CNTN5: variants seen among roughly 807,000 people sequenced by gnomAD.
CNTN5 encodes contactin 5.
CNTN5 carries 77 observed loss-of-function variants against 129.1 expected under a neutral mutation model. The ratio of observed to expected loss-of-function variants is 0.60; its 90% CI spans 0.50 to 0.72. CNTN5 has a LOEUF of 0.72. CNTN5 is among the 30% of genes least tolerant of loss of function. The probability of loss-of-function intolerance (pLI) is 0.00; values close to 1 mark genes in which losing one functional copy is unlikely to be tolerated. For synonymous variants in CNTN5, 509 were observed against 465.6 expected (o/e 1.09, Z -1.20); for missense variants, 1,478 against 1,328.8 (o/e 1.11, Z -1.75).
intron 1 of CNTN5, among the ~76,000 whole-genome samples, chr11:99,228,598 A>C (rs78151918): frequency 0.017 from 2,651 of 152,186 alleles, 43 homozygotes; most frequent in African/African-American, 0.038. Context: ...ATGTACCCCT[A>C]AATGTATAAA....
intron 13 of CNTN5, among the ~76,000 whole-genome samples, chr11:100,169,684 T>C (rs1947766214): frequency 6.6e-6 from 1 of 152,044 alleles, no homozygotes; most frequent in Admixed American, 6.6e-5. Flanking sequence ...TTTTTGTGAC[T>C]TGCTTTATTA....
chr11:99,829,722 T>G (rs549720756), intron 4 of CNTN5, among the ~76,000 whole-genome samples: 111 of 152,326 alleles, frequency 7.3e-4, no homozygotes, highest in Middle Eastern at 6.8e-3. Flanking sequence ...TGTTAATAAT[T>G]ACTCTAAAGT....
chr11:99,747,488 C>G (rs191655135), intron 3 of CNTN5, among the ~76,000 whole-genome samples: 5 of 96,510 alleles, frequency 5.2e-5, no homozygotes, highest in Non-Finnish European at 9.3e-5. Flanking sequence ...TTTTTTGAGA[C>G]AGAGTCTTGC....
At chr11:99,312,432 A>T (rs1470817231) in intron 1 of CNTN5, among the ~76,000 whole-genome samples, 1 of 152,168 alleles carries the variant, frequency 6.6e-6, no homozygotes, top group Non-Finnish European at 1.5e-5. Context: ...ATTGTTGTAA[A>T]TATTCAATAA....
At chr11:100,259,510 TCA>T (rs1950152942) in intron 17 of CNTN5, among the ~76,000 whole-genome samples, 1 of 152,012 alleles carries the variant, frequency 6.6e-6, no homozygotes, top group East Asian at 1.9e-4. Context: ...CAGCATCACA[TCA>T]CACTTATTCT....
chr11:99,891,329 C>A (rs1161990557), intron 6 of CNTN5, among the ~76,000 whole-genome samples: 3 of 149,706 alleles, frequency 2.0e-5, no homozygotes, highest in Non-Finnish European at 4.4e-5. Context: ...GTCCCAATAT[C>A]TTTTTATTAT....
intron 1 of CNTN5, among the ~76,000 whole-genome samples, chr11:99,274,185 G>C (rs1863314183): frequency 6.6e-6 from 1 of 151,574 alleles, no homozygotes; most frequent in Non-Finnish European, 1.5e-5. Flanking sequence ...TATACCTGGG[G>C]CTTAATAGTT....
intron 15 of CNTN5, among the ~76,000 whole-genome samples, chr11:100,201,489 A>C (rs1346360813): frequency 6.6e-6 from 1 of 151,956 alleles, no homozygotes; most frequent in Non-Finnish European, 1.5e-5. Context: ...TGAGTACCTA[A>C]ATTATCTTTG....
chr11:99,830,590 G>C (rs1947108508), intron 4 of CNTN5, among the ~76,000 whole-genome samples: 1 of 151,992 alleles, frequency 6.6e-6, no homozygotes, highest in Non-Finnish European at 1.5e-5. Flanking sequence ...CTCTCTTGGA[G>C]GGGGAAATTG....
chr11:100,285,912 G>A (rs1001026365), intron 18 of CNTN5, among the ~76,000 whole-genome samples: 3 of 152,232 alleles, frequency 2.0e-5, no homozygotes, highest in African/African-American at 7.2e-5. Flanking sequence ...CCGTGCGCGA[G>A]CCGAAGCAGG....
At chr11:99,737,280 T>A (rs2135136359) in intron 3 of CNTN5, among the ~76,000 whole-genome samples, 1 of 152,304 alleles carries the variant, frequency 6.6e-6, no homozygotes, top group East Asian at 1.9e-4. Flanking sequence ...TATCATATTC[T>A]TCGTATTTAT....
intron 16 of CNTN5, among the ~76,000 whole-genome samples, chr11:100,252,465 A>T (rs1368481440): frequency 2.0e-5 from 3 of 151,916 alleles, no homozygotes; most frequent in Non-Finnish European, 4.4e-5. Context: ...TGCTTTTGAG[A>T]TCTTATTCAT....
At chr11:99,655,113 T>C (rs978707487) in intron 3 of CNTN5, among the ~76,000 whole-genome samples, 56 of 152,148 alleles carry the variant, frequency 3.7e-4, no homozygotes, top group African/African-American at 1.3e-3. Flanking sequence ...GTCTTCAAAC[T>C]GGTAGGTAGA....
At chr11:99,660,761 C>T (rs1952565895) in intron 3 of CNTN5, among the ~76,000 whole-genome samples, 1 of 151,978 alleles carries the variant, frequency 6.6e-6, no homozygotes, top group Admixed American at 6.6e-5. Context: ...ATGCAGCCGC[C>T]TCAGTAGTAG....
At chr11:99,821,897 A>G (rs946333704) in intron 4 of CNTN5, among the ~76,000 whole-genome samples, 1 of 152,124 alleles carries the variant, frequency 6.6e-6, no homozygotes, top group African/African-American at 2.4e-5. Context: ...AGTTTAATCC[A>G]TATTTTAGAG....
intron 1 of CNTN5, among the ~76,000 whole-genome samples, chr11:99,040,895 A>T (rs542733731): frequency 6.6e-6 from 1 of 152,252 alleles, no homozygotes; most frequent in Admixed American, 6.5e-5. Context: ...TTCTTTAGTC[A>T]CAATTTTAGG....
At chr11:99,584,873 G>A (rs1430136533) in intron 3 of CNTN5, among the ~76,000 whole-genome samples, 1 of 152,194 alleles carries the variant, frequency 6.6e-6, no homozygotes, top group Non-Finnish European at 1.5e-5. Flanking sequence ...TTGCATACTT[G>A]GTGGATATTT....
At chr11:99,772,067 A>C (rs1372005785) in intron 3 of CNTN5, among the ~76,000 whole-genome samples, 1 of 66,440 alleles carries the variant, frequency 1.5e-5, no homozygotes, top group Non-Finnish European at 2.4e-5. Context: ...GAAACTTCTG[A>C]GGTATTTTTT....
At chr11:99,866,062 T>C (rs1422980581) in intron 6 of CNTN5, among the ~76,000 whole-genome samples, 1 of 152,188 alleles carries the variant, frequency 6.6e-6, no homozygotes, top group African/African-American at 2.4e-5. Context: ...ACATCCAGGG[T>C]CATGTGAGGA....
Sources: gnomAD v4.1 joint callset for allele counts (sites outside exome capture counted in the v4.1 genomes callset) on GRCh38, gnomAD v4.1.1 for gene constraint, MANE v1.5 for transcripts, NCBI Gene and HGNC (gene_info 2026-07-23, HGNC 2026-07-21) for gene names.